RAB10: variants seen among roughly 807,000 people sequenced by gnomAD.
RAB10 encodes RAB10, member RAS oncogene family, also known as ras-related protein Rab-10.
Under a neutral mutation model 25.7 loss-of-function variants are expected in RAB10, and 5 were observed. The observed-to-expected ratio is 0.19, with a 90% CI of 0.10 to 0.41. The LOEUF (loss-of-function observed/expected upper bound fraction) is 0.41. RAB10 is among the 10% of genes least tolerant of loss of function. The probability of loss-of-function intolerance (pLI) is 1.00; values close to 1 mark genes in which losing one functional copy is unlikely to be tolerated. For synonymous variants in RAB10, 89 were observed against 86.4 expected (o/e 1.03, Z -0.16); for missense variants, 103 against 245.8 (o/e 0.42, Z 3.89).
intron 3 of RAB10, among the ~76,000 whole-genome samples, chr2:26,116,597 C>G (rs1667694873): frequency 7.0e-6 from 1 of 143,008 alleles, no homozygotes; most frequent in Admixed American, 7.3e-5. Context: ...TGCTCTGTCG[C>G]CCAGGCTGGA....
intron 3 of RAB10, among the ~76,000 whole-genome samples, chr2:26,118,033 G>A (rs1471342208): frequency 1.3e-5 from 2 of 152,110 alleles, no homozygotes; most frequent in Admixed American, 6.5e-5. Context: ...GTGCAGTGGC[G>A]CAAATCTCAG....
At chr2:26,103,333 A>G (rs1559593895) in intron 2 of RAB10, among the ~76,000 whole-genome samples, 2 of 152,224 alleles carry the variant, frequency 1.3e-5, no homozygotes, top group South Asian at 4.1e-4. Flanking sequence ...ATATGCAGGT[A>G]GTGGGAACAG....
At chr2:26,119,408 C>T (rs916343916) in intron 3 of RAB10, among the ~76,000 whole-genome samples, 1 of 144,216 alleles carries the variant, frequency 6.9e-6, no homozygotes, top group African/African-American at 2.6e-5. Context: ...GACCCTGTCT[C>T]AAAAAAAAAA....
At chr2:26,049,889 C>A (rs1025254459) in intron 1 of RAB10, among the ~76,000 whole-genome samples, 1 of 152,048 alleles carries the variant, frequency 6.6e-6, no homozygotes, top group Non-Finnish European at 1.5e-5. Flanking sequence ...CTATGTACTC[C>A]AGCAACCTCT....
At chr2:26,050,799 C>CT (rs1027316111) in intron 1 of RAB10, among the ~76,000 whole-genome samples, 5 of 151,802 alleles carry the variant, frequency 3.3e-5, no homozygotes, top group Admixed American at 2.6e-4. Context: ...AATTTTTTCT[C>CT]TTTTTTTTCT....
At chr2:26,084,377 C>T (rs1666933998) in intron 1 of RAB10, among the ~76,000 whole-genome samples, 1 of 152,086 alleles carries the variant, frequency 6.6e-6, no homozygotes, top group Non-Finnish European at 1.5e-5. Context: ...TGTGGTTTAC[C>T]CTACTGAAAC....
rs547670357 is a variant in RAB10, at chr2:26,127,480, A to G, written c.417+247A>G. ...TAAACTACAAAGAGAGAAAAATATA[A>G]GTCATTAATCCTCGGTTTTTAAACT... On this transcript the variant is annotated intron_variant, in intron 4 of 5. Transcript: ENST00000264710. Among the ~76,000 whole-genome samples the G allele has an allele frequency of 3.3e-5, 5 of 152,316 alleles. No homozygotes were observed. The East Asian group carries it at 9.6e-4, about 29-fold the overall frequency.
chr2:26,092,627 T>C (rs1171990497), intron 1 of RAB10, among the ~76,000 whole-genome samples: 1 of 152,092 alleles, frequency 6.6e-6, no homozygotes, highest in Admixed American at 6.5e-5. Flanking sequence ...CAGCCCAAAT[T>C]CTTAGACATT....
At chr2:26,081,069 C>T (rs1005277070) in intron 1 of RAB10, among the ~76,000 whole-genome samples, 55 of 152,148 alleles carry the variant, frequency 3.6e-4, no homozygotes, top group African/African-American at 1.2e-3. Flanking sequence ...GAATAAGTCT[C>T]ATGAGATCTG....
At chr2:26,079,930 G>T (rs182869471) in intron 1 of RAB10, among the ~76,000 whole-genome samples, 2 of 152,186 alleles carry the variant, frequency 1.3e-5, no homozygotes, top group Non-Finnish European at 2.9e-5. Context: ...AAAGTGCTGG[G>T]ATTATAGATG....
At chr2:26,062,556 T>C (rs958843539) in intron 1 of RAB10, among the ~76,000 whole-genome samples, 4 of 152,026 alleles carry the variant, frequency 2.6e-5, no homozygotes, top group Admixed American at 1.3e-4. Context: ...CGCATACCTG[T>C]AATCTCAGCT....
Position 26,034,254 on chromosome 2 carries a change from T to C in RAB10, c.-355T>C. On this transcript the variant is annotated 5_prime_UTR_variant, in exon 1 of 6. Coordinates refer to ENST00000264710, the MANE Select transcript of RAB10 (RefSeq NM_016131.5). ...TTTCCGCTCGGGAGAGAGACTGTCC[T>C]CACGCCCGCTGCGCCTCCTCGACGG... 2.0e-6 allele frequency: 1 copy of C among 502,832 alleles called. No homozygotes were observed. The highest frequency in any genetic ancestry group is 3.0e-5 in the East Asian group (1 of 33,126). The allele number at this position is 502,832 out of a possible 1,614,324, so 31.1% of individuals were successfully genotyped here.
At chr2:26,078,025 A>G (rs966123009) in intron 1 of RAB10, among the ~76,000 whole-genome samples, 38 of 152,332 alleles carry the variant, frequency 2.5e-4, no homozygotes, top group Admixed American at 2.0e-3. Flanking sequence ...GAGATATACA[A>G]AAATCAGCTG....
At chr2:26,095,137 A>G (rs187202213) in intron 1 of RAB10, among the ~76,000 whole-genome samples, 2 of 152,322 alleles carry the variant, frequency 1.3e-5, no homozygotes, top group East Asian at 3.9e-4. Flanking sequence ...GCCTGGTATC[A>G]GAAACTTCCT....
chr2:26,114,866 C>T (rs548889670), intron 3 of RAB10, among the ~76,000 whole-genome samples: 2 of 151,840 alleles, frequency 1.3e-5, no homozygotes, highest in South Asian at 4.2e-4. Context: ...TGCATTACTA[C>T]ACTCCAGCCT....
chr2:26,067,708 A>G (rs931452387), intron 1 of RAB10, among the ~76,000 whole-genome samples: 1 of 152,250 alleles, frequency 6.6e-6, no homozygotes, highest in Non-Finnish European at 1.5e-5. Flanking sequence ...AGATTTAATC[A>G]TGTGTTAAAA....
chr2:26,040,418 C>G (rs1665859015), intron 1 of RAB10, among the ~76,000 whole-genome samples: 1 of 152,070 alleles, frequency 6.6e-6, no homozygotes, highest in Admixed American at 6.6e-5. Flanking sequence ...AATCCCAGCA[C>G]TTTGGGAGGC....
At chr2:26,067,480 G>T (rs1413460857) in intron 1 of RAB10, among the ~76,000 whole-genome samples, 2 of 152,034 alleles carry the variant, frequency 1.3e-5, no homozygotes, top group African/African-American at 4.8e-5. Context: ...TATTTTGATG[G>T]CTTCTTGTTG....
chr2:26,066,494 G>C (rs1020113604), intron 1 of RAB10, among the ~76,000 whole-genome samples: 3 of 152,158 alleles, frequency 2.0e-5, no homozygotes, highest in Non-Finnish European at 4.4e-5. Flanking sequence ...AATTTATAAA[G>C]AAAAGAGGTT....
Sources: gnomAD v4.1 joint callset for allele counts (sites outside exome capture counted in the v4.1 genomes callset) on GRCh38, gnomAD v4.1.1 for gene constraint, MANE v1.5 for transcripts, NCBI Gene and HGNC (gene_info 2026-07-23, HGNC 2026-07-21) for gene names.